Variants in MSL2 observed in about 807,000 individuals in gnomAD.
MSL2 encodes the protein MSL complex subunit 2.
In MSL2, 2 loss-of-function variants were observed where a neutral mutation model predicts 35.8. The observed-to-expected ratio is 0.06, with a 90% CI of 0.02 to 0.18. MSL2 has a LOEUF of 0.18. Ranked by LOEUF, MSL2 falls within the 10% of genes least tolerant of loss-of-function variation. The pLI is 1.00. For missense variants in MSL2, 523 were observed against 706.7 expected (o/e 0.74, Z 2.95); for synonymous variants, 296 against 255.7 (o/e 1.16, Z -1.50).
intron 1 of MSL2, among the ~76,000 whole-genome samples, chr3:136,170,263 G>C (rs1356495585): frequency 1.5e-5 from 2 of 135,960 alleles, no homozygotes; most frequent in African/African-American, 2.8e-5. Flanking sequence ...TGAGGCAGGA[G>C]AATCATTTGA....
At position 136,195,068 on chromosome 3, in the gene MSL2, G is replaced by C. The variant is rs144330176; in HGVS notation, c.46C>G (p.Leu16Val). ...ATALYISASR[L>V]VLNYDPGDPK... ...TCTCCGGGGTCGTAGTTGAGCACTAGGCGGCTCGCGGAAATGTAGAGAGCA... is the reference window on the plus strand; with the variant it reads ...TCTCCGGGGTCGTAGTTGAGCACTACGCGGCTCGCGGAAATGTAGAGAGCA... The change falls in exon 1 of 2, where the codon CTA (leucine) becomes GTA (valine). Residue 16 changes from leucine (L) to valine (V), a missense_variant. Physicochemically the swap from Leu to Val is conservative, Grantham distance 32. Coordinates refer to ENST00000309993, the MANE Select transcript of MSL2 (RefSeq NM_018133.4). The C allele has an allele frequency of 6.2e-7, 1 of 1,614,024 alleles. No homozygotes were observed. The highest frequency in any genetic ancestry group is 1.1e-5 in the South Asian group (1 of 91,062).
intron 1 of MSL2, among the ~76,000 whole-genome samples, chr3:136,194,745 T>C (rs1324846135): frequency 1.3e-5 from 2 of 151,560 alleles, no homozygotes; most frequent in African/African-American, 2.4e-5. Context: ...AATTAAACCA[T>C]TTTGAACGTT....
intron 1 of MSL2, among the ~76,000 whole-genome samples, chr3:136,178,354 CATT>C (rs1469217158): frequency 2.6e-5 from 4 of 152,142 alleles, no homozygotes; most frequent in African/African-American, 7.2e-5. Flanking sequence ...CCTGAACAAA[CATT>C]AATCAATAAA....
chr3:136,181,976 C>G (rs1433810664), intron 1 of MSL2, among the ~76,000 whole-genome samples: 2 of 150,882 alleles, frequency 1.3e-5, no homozygotes, highest in Non-Finnish European at 3.0e-5. Context: ...CTTACGTGGG[C>G]TGAAGAAAAA....
rs1240423270 is a variant in MSL2 at position 136,152,680 on chromosome 3, G to A, written c.201C>T (p.Cys67=). 1.9e-6 allele frequency: 3 copies of A among 1,614,144 alleles called. No homozygotes were observed. Among genetic ancestry groups the A allele is most frequent in the East Asian group, 2.2e-5 (1 of 44,880 alleles). Residue 67 remains cysteine (C), a synonymous_variant, in exon 2 of 2, where the codon TGC becomes TGT. Coordinates refer to ENST00000309993, the MANE Select transcript of MSL2 (RefSeq NM_018133.4). ...PTNSTCQHYV[C]KTCKGKKMMM... is the part of the protein sequence containing the mutation. ...TCATTTTCTTGCCTTTACAAGTTTT[G>A]CAGACATAATGTTGGCAGGTGGAGT...
At chr3:136,162,850 A>G (rs2108068912) in intron 1 of MSL2, among the ~76,000 whole-genome samples, 1 of 152,310 alleles carries the variant, frequency 6.6e-6, no homozygotes, top group East Asian at 1.9e-4. Flanking sequence ...CAATCCTTGC[A>G]ATCCTCATTT....
rs1194658863 is a variant in MSL2, at chr3:136,152,430, A to C, written c.451T>G (p.Phe151Val). ...EETEKPSDSS[F>V]TLCLTHSPLP... ...GGGGAATGTGTCAAACACAAAGTAAAGGATGAATCTGAGGGTTTTTCTGTC... is the reference window on the plus strand; with the variant it reads ...GGGGAATGTGTCAAACACAAAGTAACGGATGAATCTGAGGGTTTTTCTGTC... The change falls in exon 2 of 2, where the codon TTT becomes GTT. Residue 151 changes from phenylalanine to valine, a missense_variant. Physicochemically the swap from Phe to Val is conservative, Grantham distance 50. Around this residue, in one of 5 missense-constraint regions of MSL2, gnomAD observed 361 missense variants for 414.6 expected, o/e 0.87. Transcript: ENST00000309993. 6.2e-7 allele frequency: 1 copy of C among 1,614,104 alleles called. No individual in the cohort carries two copies. Among genetic ancestry groups the C allele is most frequent in the Non-Finnish European group, 8.5e-7 (1 of 1,180,044 alleles).
chr3:136,166,444 G>GAA (rs544967636), intron 1 of MSL2, among the ~76,000 whole-genome samples: 1 of 144,266 alleles, frequency 6.9e-6, no homozygotes, highest in Admixed American at 6.9e-5. Context: ...CCACCAAAAA[G>GAA]AAAAAAAAAA....
intron 1 of MSL2, among the ~76,000 whole-genome samples, chr3:136,155,080 C>T (rs1370729685): frequency 6.6e-6 from 1 of 151,864 alleles, no homozygotes; most frequent in East Asian, 1.9e-4. Flanking sequence ...TGGTGGCACA[C>T]GCCTGTAGTC....
chr3:136,173,142 G>A (rs1467108286), intron 1 of MSL2, among the ~76,000 whole-genome samples: 6 of 152,130 alleles, frequency 3.9e-5, no homozygotes, highest in Non-Finnish European at 8.8e-5. Flanking sequence ...CAGCCTGGGC[G>A]ACAGAGCAAG....
rs1939359452 is a variant in MSL2 at position 136,151,310 on chromosome 3, C to G, written c.1571G>C (p.Arg524Thr). 1 of 1,614,218 alleles carries G rather than the reference C, an allele frequency of 6.2e-7. No homozygotes were observed. Among genetic ancestry groups the G allele is most frequent in the Non-Finnish European group, 8.5e-7 (1 of 1,180,048 alleles). ...AGTCACGTTAATGCCCAAAGTGAGC[C>G]TGGTCTGCTCCAAGGCCTTTTCTGG... ...AVPEKALEQT[R>T]LTLGINVTSI... Residue 524 changes from arginine to threonine, a missense_variant, in exon 2 of 2, where the codon AGG (arginine) becomes ACG (threonine). Coordinates refer to ENST00000309993, the MANE Select transcript of MSL2 (RefSeq NM_018133.4). This position sits in a 1 kb window ranked among gnomAD's most constrained non-coding sequence, Gnocchi z 5.2.
intron 1 of MSL2, among the ~76,000 whole-genome samples, chr3:136,190,709 A>T (rs1366373643): frequency 6.6e-6 from 1 of 152,228 alleles, no homozygotes; most frequent in Non-Finnish European, 1.5e-5. Flanking sequence ...TTACAAGTTT[A>T]ATGAAAACAT....
At chr3:136,189,236 C>T (rs1940614232) in intron 1 of MSL2, among the ~76,000 whole-genome samples, 1 of 145,856 alleles carries the variant, frequency 6.9e-6, no homozygotes, top group Non-Finnish European at 1.5e-5. Context: ...AGAGGTTGAG[C>T]TGCACTGAGC....
At chr3:136,187,251 TATG>T (rs1358514095) in intron 1 of MSL2, among the ~76,000 whole-genome samples, 1 of 152,050 alleles carries the variant, frequency 6.6e-6, no homozygotes, top group Admixed American at 6.6e-5. Flanking sequence ...ATTAAAATGT[TATG>T]ATAACCGTAA....
At chr3:136,188,479 G>C (rs1183728709) in intron 1 of MSL2, among the ~76,000 whole-genome samples, 1 of 151,406 alleles carries the variant, frequency 6.6e-6, no homozygotes, top group Non-Finnish European at 1.5e-5. Context: ...GCTGGGTTCA[G>C]TGGCTCATGC....
chr3:136,152,138 G>A lies in MSL2; in HGVS notation c.743C>T (p.Ser248Phe). Residue 248 changes from serine (S) to phenylalanine (F), a missense_variant, in exon 2 of 2, where the codon TCC (serine) becomes TTC (phenylalanine). Physicochemically the swap from Ser to Phe is radical, Grantham distance 155 (BLOSUM62 -2). Transcript: ENST00000309993. Reference protein sequence around the residue: ...VCDTVATDLCSTGIDICSFSE... With the variant: ...VCDTVATDLCFTGIDICSFSE... Reference sequence around the variant, plus strand: ...GAAACTGCAGATATCAATGCCTGTGGAACATAAGTCAGTGGCTACTGTGTC... The same window carrying A: ...GAAACTGCAGATATCAATGCCTGTGAAACATAAGTCAGTGGCTACTGTGTC... 6.2e-7 allele frequency: 1 copy of A among 1,614,172 alleles called. No individual in the cohort carries two copies. The highest frequency in any genetic ancestry group is 8.5e-7 in the Non-Finnish European group (1 of 1,180,034).
At chr3:136,168,305 G>A (rs1465147706) in intron 1 of MSL2, among the ~76,000 whole-genome samples, 4 of 152,012 alleles carry the variant, frequency 2.6e-5, no homozygotes, top group Non-Finnish European at 4.4e-5. Flanking sequence ...AACAACAGTC[G>A]TGAGACTTTA....
chr3:136,174,128 A>T (rs78726835), intron 1 of MSL2, among the ~76,000 whole-genome samples: 7 of 152,206 alleles, frequency 4.6e-5, no homozygotes, highest in African/African-American at 1.7e-4. Flanking sequence ...ACTGGGTCTC[A>T]CTCAAGGCCA....
chr3:136,174,801 C>T (rs1940124526), intron 1 of MSL2, among the ~76,000 whole-genome samples: 1 of 152,114 alleles, frequency 6.6e-6, no homozygotes, highest in Non-Finnish European at 1.5e-5. Context: ...GCCTATATAC[C>T]AGTCTAAAAT....
Sources: allele counts gnomAD v4.1 joint callset (sites outside exome capture counted in the v4.1 genomes callset), GRCh38; gene constraint gnomAD v4.1.1; regional missense constraint gnomAD v4.1.1; non-coding constraint Gnocchi (gnomAD v3.1); transcripts MANE v1.5; gene names NCBI Gene and HGNC (gene_info 2026-07-23, HGNC 2026-07-21).